The following TLK1 variants were observed in gnomAD, a reference collection of about 807,000 sequenced individuals.
The protein encoded by TLK1 is serine/threonine-protein kinase tousled-like 1.
TLK1 carries 24 observed loss-of-function variants against 105.3 expected under a neutral mutation model. The ratio of observed to expected loss-of-function variants is 0.23; its 90% confidence interval spans 0.17 to 0.32. The LOEUF is 0.32. Among genes scored for constraint, TLK1 ranks in the 10% least tolerant of loss-of-function variants. The probability of loss-of-function intolerance (pLI) is 1.00; values close to 1 mark genes in which losing one functional copy is unlikely to be tolerated. For missense variants in TLK1, 558 were observed against 910.5 expected, an observed-to-expected ratio of 0.61 and a Z score of 4.98; for synonymous variants, 321 against 310.4, an observed-to-expected ratio of 1.03 and a Z score of -0.36.
chr2:171,125,254 C>T (rs1690820473), intron 1 of TLK1, among the ~76,000 whole-genome samples: 1 of 152,082 alleles, frequency 6.6e-6, no homozygotes, highest in African/African-American at 2.4e-5. Context: ...TTTTCTATTG[C>T]TTTCCTCAGA....
At chr2:170,995,678 C>T (rs751327741) in intron 20 of TLK1, among the ~76,000 whole-genome samples, 2 of 152,138 alleles carry the variant, frequency 1.3e-5, no homozygotes, top group Non-Finnish European at 2.9e-5. Flanking sequence ...AAAAATAATT[C>T]ATTTTGCTTT....
chr2:171,150,581 GA>G (rs1209359211), intron 1 of TLK1, among the ~76,000 whole-genome samples: 1 of 152,148 alleles, frequency 6.6e-6, no homozygotes, highest in East Asian at 1.9e-4. Context: ...CTGACAATCA[GA>G]ATTGATTACC....
intron 4 of TLK1, chr2:171,060,090 G>A (rs1343805596): frequency 1.3e-6 from 2 of 1,525,848 alleles, no homozygotes; most frequent in Non-Finnish European, 1.8e-6. Context: ...AAATATAAGT[G>A]AGGAAGGTGA....
intron 1 of TLK1, among the ~76,000 whole-genome samples, chr2:171,230,571 A>G (rs1217545714): frequency 6.6e-6 from 1 of 152,064 alleles, no homozygotes; most frequent in African/African-American, 2.4e-5. Flanking sequence ...GACCACTCTA[A>G]AACCCCTAAA....
intron 1 of TLK1, among the ~76,000 whole-genome samples, chr2:171,142,906 T>C (rs1018946620): frequency 6.6e-6 from 1 of 152,210 alleles, no homozygotes; most frequent in Non-Finnish European, 1.5e-5. Flanking sequence ...CTTACTAGAA[T>C]GGAGTCAAAT....
chr2:171,142,324 A>G (rs1344732995), intron 1 of TLK1, among the ~76,000 whole-genome samples: 1 of 152,236 alleles, frequency 6.6e-6, no homozygotes, highest in Non-Finnish European at 1.5e-5. Context: ...ATTAAATGTA[A>G]ATGTACTACA....
intron 2 of TLK1, among the ~76,000 whole-genome samples, chr2:171,111,918 T>A (rs1240289988): frequency 6.6e-6 from 1 of 151,724 alleles, no homozygotes; most frequent in African/African-American, 2.4e-5. Flanking sequence ...AAATAATTAA[T>A]CATGTATTAA....
chr2:171,065,861 T>C (rs988909563), intron 3 of TLK1, among the ~76,000 whole-genome samples: 1 of 152,208 alleles, frequency 6.6e-6, no homozygotes, highest in Admixed American at 6.5e-5. Flanking sequence ...TAATGATTCA[T>C]ACTTGGGTAC....
intron 1 of TLK1, among the ~76,000 whole-genome samples, chr2:171,159,427 C>G (rs773929210): frequency 1.3e-5 from 2 of 152,238 alleles, no homozygotes; most frequent in Non-Finnish European, 2.9e-5. Context: ...CGGTGCCTTA[C>G]AAGCTGTGTA....
chr2:171,202,060 A>T (rs1693413777), intron 1 of TLK1, among the ~76,000 whole-genome samples: 1 of 152,234 alleles, frequency 6.6e-6, no homozygotes, highest in South Asian at 2.1e-4. Flanking sequence ...ATGTTTATTG[A>T]GTTCTTACTA....
chr2:171,041,279 C>T (rs1453142538), intron 11 of TLK1, among the ~76,000 whole-genome samples: 1 of 152,178 alleles, frequency 6.6e-6, no homozygotes, highest in Non-Finnish European at 1.5e-5. Context: ...ACCATCTTTT[C>T]AACAGTATAA....
intron 1 of TLK1, among the ~76,000 whole-genome samples, chr2:171,158,554 C>G (rs897421801): frequency 1.3e-5 from 2 of 152,156 alleles, no homozygotes; most frequent in Non-Finnish European, 2.9e-5. Context: ...ATCCAGTTCA[C>G]GGCCTGGCTC....
intron 10 of TLK1, among the ~76,000 whole-genome samples, chr2:171,048,137 C>T (rs2105425927): frequency 6.6e-6 from 1 of 152,174 alleles, no homozygotes; most frequent in Middle Eastern, 3.4e-3. Flanking sequence ...TCAGTAGAGA[C>T]AGGGTTTCAC....
At chr2:171,196,828 A>G (rs1282249377) in intron 1 of TLK1, among the ~76,000 whole-genome samples, 2 of 152,366 alleles carry the variant, frequency 1.3e-5, no homozygotes, top group African/African-American at 2.4e-5. Context: ...TATTCCATCA[A>G]ACTTAAGCAT....
chr2:171,030,248 G>A (rs1371003157), intron 11 of TLK1, among the ~76,000 whole-genome samples: 1 of 152,056 alleles, frequency 6.6e-6, no homozygotes, highest in African/African-American at 2.4e-5. Context: ...TAAAAAAGGA[G>A]TATTCAAAGG....
At chr2:171,131,848 A>G (rs1399300905) in intron 1 of TLK1, among the ~76,000 whole-genome samples, 1 of 151,954 alleles carries the variant, frequency 6.6e-6, no homozygotes, top group African/African-American at 2.4e-5. Flanking sequence ...TTTTTTTCCA[A>G]CAATTGAGAT....
At chr2:171,139,807 C>G (rs1367477195) in intron 1 of TLK1, among the ~76,000 whole-genome samples, 1 of 114,498 alleles carries the variant, frequency 8.7e-6, no homozygotes, top group African/African-American at 3.4e-5. Context: ...TTTCCATGGA[C>G]CAGGGGTGGG....
At chr2:171,033,624 C>T (rs2105401418) in intron 11 of TLK1, among the ~76,000 whole-genome samples, 1 of 149,918 alleles carries the variant, frequency 6.7e-6, no homozygotes, top group African/African-American at 2.4e-5. Flanking sequence ...ACCCCATTTA[C>T]CCTGATGTGA....
intron 7 of TLK1, chr2:171,054,056 G>C (rs1169932378): frequency 2.5e-6 from 1 of 399,520 alleles, no homozygotes; most frequent in Non-Finnish European, 4.4e-6. Flanking sequence ...ATCTAGAAAG[G>C]CCAATTACTT....
Sources: allele counts gnomAD v4.1 joint callset (sites outside exome capture counted in the v4.1 genomes callset), GRCh38; gene constraint gnomAD v4.1.1; transcripts MANE v1.5; gene names NCBI Gene and HGNC (gene_info 2026-07-23, HGNC 2026-07-21).